MTA1: variants seen among roughly 807,000 people sequenced by gnomAD.
MTA1 encodes the protein metastasis associated 1, also known as metastasis-associated protein MTA1.
A neutral mutation model predicts 97.0 loss-of-function variants in MTA1; 15 were observed. That is an observed-to-expected ratio of 0.15 (90% CI 0.10 to 0.24). MTA1 has a LOEUF of 0.24. Among genes scored for constraint, MTA1 ranks in the 10% least tolerant of loss-of-function variants. The probability of loss-of-function intolerance (pLI) is 1.00; values close to 1 mark genes in which losing one functional copy is unlikely to be tolerated. For missense variants in MTA1, 709 were observed against 1,015.1 expected (o/e 0.70, Z 4.10); for synonymous variants, 435 against 417.5 (o/e 1.04, Z -0.51).
chr14:105,429,235 A>G (rs587711841), intron 1 of MTA1, among the ~76,000 whole-genome samples: 3 of 152,116 alleles, frequency 2.0e-5, no homozygotes, highest in South Asian at 4.2e-4. Flanking sequence ...CTTTCTCTCT[A>G]TCAGTACTAA....
chr14:105,432,936 C>T (rs1270054228), intron 1 of MTA1, among the ~76,000 whole-genome samples: 1 of 152,152 alleles, frequency 6.6e-6, no homozygotes, highest in African/African-American at 2.4e-5. Context: ...ATCCACTCAG[C>T]TGTGTGTTAG....
At chr14:105,458,493 T>C in intron 8 of MTA1, 121 bp downstream of exon 8, 1 of 875,980 alleles carries the variant, frequency 1.1e-6, no homozygotes, top group Non-Finnish European at 1.8e-6. Context: ...AAGAAGCCCA[T>C]GCGCTGCAGC....
At position 105,463,603 on chromosome 14, in the gene MTA1, G is replaced by GACCC. The variant is rs782406536; in HGVS notation, c.1076+52_1076+53insACCC. The stretch of plus-strand genomic sequence containing the variant: ...CTCGTGGCCCCGGGGGCCAGGGAGG[G>GACCC]TGGGCACAGGGTGCTGGGGCCAGGC... On this transcript the variant is annotated intron_variant, in intron 12 of 20. Coordinates refer to ENST00000331320, the MANE Select transcript of MTA1 (RefSeq NM_004689.4). This position sits in a 1 kb window ranked among gnomAD's most constrained non-coding sequence, Gnocchi z 5.9. 6.3e-7 allele frequency: 1 copy of GACCC among 1,575,036 alleles called. No individual in the cohort carries two copies. Among genetic ancestry groups the GACCC allele is most frequent in the South Asian group, 1.1e-5 (1 of 90,332 alleles).
intron 10 of MTA1, among the ~76,000 whole-genome samples, chr14:105,461,802 G>A (rs980103790): frequency 2.0e-5 from 3 of 152,310 alleles, no homozygotes; most frequent in Non-Finnish European, 4.4e-5. Flanking sequence ...AGCTTTGTGT[G>A]GGGGCCTCTG....
intron 18 of MTA1, chr14:105,467,132 C>T (rs1048707414): frequency 2.3e-5 from 9 of 385,840 alleles, no homozygotes; most frequent in Non-Finnish European, 4.4e-5. Flanking sequence ...GGAGGGTGGT[C>T]GGGGGTGTCT....
chr14:105,445,939 C>T (rs1555427060), intron 3 of MTA1: 1 of 332,516 alleles, frequency 3.0e-6, no homozygotes, highest in African/African-American at 2.2e-5. Context: ...GTAGTGTTTT[C>T]AGGAAAGCAG....
In MTA1 at chr14:105,420,519, C is replaced by G. The variant is rs1181193989; in HGVS notation, c.28+456C>G. Among the ~76,000 whole-genome samples the G allele has an allele frequency of 8.5e-5, 13 of 152,132 alleles. No individual in the cohort carries two copies. The highest frequency in any genetic ancestry group is 2.4e-4 in the African/African-American group (10 of 41,446). ...CATCCCCTCTGGGGATGGGGAGCCC[C>G]GGTGAGGGGCCACGTTCCTCCCTAG... On this transcript the variant is annotated intron_variant, in intron 1 of 20. Coordinates refer to ENST00000331320, the MANE Select transcript of MTA1 (RefSeq NM_004689.4). This position sits in a 1 kb window ranked among gnomAD's most constrained non-coding sequence, Gnocchi z 5.3.
Position 105,470,256 on chromosome 14 carries a change from CCCA to C in MTA1, c.*43_*45del, listed in dbSNP as rs1555434274. 6.4e-6 allele frequency: 9 copies of C among 1,400,012 alleles called. No individual in the cohort carries two copies. Among genetic ancestry groups the C allele is most frequent in the Non-Finnish European group, 5.5e-6 (6 of 1,081,472 alleles). The allele number at this position is 1,400,012 out of a possible 1,614,324, so 86.7% of individuals were successfully genotyped here. On this transcript the variant is annotated 3_prime_UTR_variant, in exon 21 of 21. Coordinates refer to ENST00000331320, the MANE Select transcript of MTA1 (RefSeq NM_004689.4). The stretch of plus-strand genomic sequence containing the variant: ...GCGGCCGCCCCCCGCCCCTCGCCCG[CCCA>C]CACGGCCCCTTCCCAGCCAGCCCGC...
chr14:105,467,045 TGCTGCCA>T (rs1211116972), intron 18 of MTA1: 3 of 520,722 alleles, frequency 5.8e-6, no homozygotes, highest in Non-Finnish European at 1.0e-5. Context: ...ACTGCCCGCA[TGCTGCCA>T]GCCTCAGCTC....
chr14:105,425,966 G>A (rs1216778693), intron 1 of MTA1, among the ~76,000 whole-genome samples: 1 of 152,038 alleles, frequency 6.6e-6, no homozygotes, highest in Non-Finnish European at 1.5e-5. Flanking sequence ...GCTCCTCAGA[G>A]CCGCCCGGCA....
Position 105,450,110 on chromosome 14 carries a change from A to G in MTA1, c.294A>G (p.Lys98=), listed in dbSNP as rs1555428214. 3 of 1,613,192 alleles carry G rather than the reference A, an allele frequency of 1.9e-6. No individual in the cohort carries two copies. The highest frequency in any genetic ancestry group is 3.3e-5 in the Admixed American group (2 of 59,982). The change falls in exon 5 of 21, where the codon AAA becomes AAG. Residue 98 remains lysine (K), a synonymous_variant. Transcript: ENST00000331320. ...ENPEMVDLPE[K]LKHQLRHREL... ...CGGAAATGGTGGACCTGCCCGAGAA[A>G]CTAAAGCACCAGCTGCGGCATCGGG...
At chr14:105,429,655 A>T (rs587609879) in intron 1 of MTA1, among the ~76,000 whole-genome samples, 2 of 145,910 alleles carry the variant, frequency 1.4e-5, no homozygotes, top group East Asian at 4.1e-4. Flanking sequence ...GGGTTTCACC[A>T]TGTTAGCCAG....
In MTA1 at chr14:105,424,530, C is replaced by A. The variant is rs2081952270; in HGVS notation, c.28+4467C>A. 6.7e-6 allele frequency among the ~76,000 whole-genome samples: 1 copy of A among 149,052 alleles called. No individual in the cohort carries two copies. Among genetic ancestry groups the A allele is most frequent in the South Asian group, 2.1e-4 (1 of 4,708 alleles). Reference sequence around the variant, plus strand: ...TTTTTGTTTTTGAGACAGTCTCACTCTGTCACCCAGGCTGGAGTGCAGTGG... The same window carrying A: ...TTTTTGTTTTTGAGACAGTCTCACTATGTCACCCAGGCTGGAGTGCAGTGG... On this transcript the variant is annotated intron_variant, in intron 1 of 20. Transcript: ENST00000331320. This position sits in a 1 kb window ranked among gnomAD's most constrained non-coding sequence, Gnocchi z 4.0.
intron 7 of MTA1, among the ~76,000 whole-genome samples, chr14:105,456,523 G>T (rs1157996919): frequency 6.6e-6 from 1 of 152,254 alleles, no homozygotes; most frequent in East Asian, 1.9e-4. Flanking sequence ...CTGGTGCAAG[G>T]ACCAGGGATC....
chr14:105,462,812 C>T (rs587677194), intron 10 of MTA1, among the ~76,000 whole-genome samples: 109 of 151,132 alleles, frequency 7.2e-4, no homozygotes, highest in African/African-American at 2.4e-3. Context: ...GAGGTTGCAG[C>T]GAGCCGAGAT....
chr14:105,437,627 A>T (rs1452314682), intron 1 of MTA1, among the ~76,000 whole-genome samples: 7 of 152,222 alleles, frequency 4.6e-5, no homozygotes, highest in African/African-American at 1.7e-4. Context: ...GTGTGGACAG[A>T]TGGGCTGGGC....
intron 16 of MTA1, chr14:105,466,072 C>T: frequency 3.9e-6 from 1 of 258,068 alleles, no homozygotes; most frequent in Non-Finnish European, 7.5e-6. Flanking sequence ...ACCAGCAGCT[C>T]CGGGGGCCTG....
intron 19 of MTA1, 49 bp from the exon 20 acceptor site, chr14:105,469,792 G>C (rs1198610937): frequency 1.3e-6 from 2 of 1,565,834 alleles, no homozygotes; most frequent in Admixed American, 1.9e-5. Context: ...GCAGGTTGAG[G>C]TGGAGCTGGC....
In MTA1 at chr14:105,420,734, G is replaced by C. The variant is rs1287671084; in HGVS notation, c.28+671G>C. ...AGGCCGGAGGGCCTCCTGGGCAGGG[G>C]CTTCCTCCGTGGGCCCAGCCTCCTG... is the stretch of plus-strand genomic sequence containing the variant. On this transcript the variant is annotated intron_variant, in intron 1 of 20. Transcript: ENST00000331320. The surrounding 1 kb of genome is among the most constrained non-coding windows in gnomAD (Gnocchi z 5.3). 6.6e-6 allele frequency among the ~76,000 whole-genome samples: 1 copy of C among 152,188 alleles called. No individual in the cohort carries two copies. Among genetic ancestry groups the C allele is most frequent in the Non-Finnish European group, 1.5e-5 (1 of 68,018 alleles).
Sources: allele counts gnomAD v4.1 joint callset (sites outside exome capture counted in the v4.1 genomes callset), GRCh38; gene constraint gnomAD v4.1.1; non-coding constraint Gnocchi (gnomAD v3.1); transcripts MANE v1.5; gene names NCBI Gene and HGNC (gene_info 2026-07-23, HGNC 2026-07-21).